PTPRT: variants seen among roughly 807,000 people sequenced by gnomAD.
PTPRT encodes protein tyrosine phosphatase receptor type T.
A neutral mutation model predicts 176.8 loss-of-function variants in PTPRT; 56 were observed. The ratio of observed to expected loss-of-function variants is 0.32; its 90% CI spans 0.26 to 0.40. The LOEUF is 0.40. Ranked by LOEUF, PTPRT falls within the 10% of genes least tolerant of loss-of-function variation. The probability of loss-of-function intolerance (pLI) is 1.00; values close to 1 mark genes in which losing one functional copy is unlikely to be tolerated. For missense variants in PTPRT, 1,540 were observed against 1,908.2 expected (o/e 0.81, Z 3.60); for synonymous variants, 783 against 739.0 (o/e 1.06, Z -0.96).
chr20:42,606,760 A>T (rs2073884335), intron 7 of PTPRT: 2 of 151,986 alleles, frequency 1.3e-5, no homozygotes. Context: ...TACCCCCGAC[A>T]TTTTTTTCTG....
At chr20:42,114,436 C>A (rs1260698251) in intron 22 of PTPRT, among the ~76,000 whole-genome samples, 1 of 152,160 alleles carries the variant, frequency 6.6e-6, no homozygotes, top group East Asian at 1.9e-4. Flanking sequence ...GATAGAATAG[C>A]AATTATTATG....
intron 8 of PTPRT, among the ~76,000 whole-genome samples, chr20:42,448,897 G>GT (rs2070778366): frequency 6.6e-6 from 1 of 151,864 alleles, no homozygotes. Flanking sequence ...TCATAACGTT[G>GT]TAAGAAAGTT....
chr20:42,794,074 T>C (rs1050315899), intron 2 of PTPRT, among the ~76,000 whole-genome samples: 1 of 152,220 alleles, frequency 6.6e-6, no homozygotes, highest in Non-Finnish European at 1.5e-5. Flanking sequence ...ATGATCCCAC[T>C]TCTTTCCATC....
At chr20:42,169,121 G>T (rs912586422) in intron 16 of PTPRT, among the ~76,000 whole-genome samples, 3 of 152,168 alleles carry the variant, frequency 2.0e-5, no homozygotes, top group Non-Finnish European at 4.4e-5. Context: ...TGAGCTCAGA[G>T]AATCAAAGAC....
intron 1 of PTPRT, among the ~76,000 whole-genome samples, chr20:43,171,420 T>C (rs1212618184): frequency 6.6e-6 from 1 of 151,974 alleles, no homozygotes; most frequent in Non-Finnish European, 1.5e-5. Context: ...CAAATTCCAG[T>C]AGAAAAAAGT....
chr20:42,726,515 C>A (rs2076383790), intron 6 of PTPRT, among the ~76,000 whole-genome samples: 1 of 152,226 alleles, frequency 6.6e-6, no homozygotes, highest in South Asian at 2.1e-4. Flanking sequence ...TGCCTACGGG[C>A]AGCCACAAAC....
intron 2 of PTPRT, among the ~76,000 whole-genome samples, chr20:42,835,234 G>T (rs571693114): frequency 6.6e-6 from 1 of 152,290 alleles, no homozygotes; most frequent in African/African-American, 2.4e-5. Flanking sequence ...CAGACACAAG[G>T]AGATGAGATT....
chr20:43,170,683 T>C (rs1244332892), intron 1 of PTPRT, among the ~76,000 whole-genome samples: 1 of 152,160 alleles, frequency 6.6e-6, no homozygotes, highest in African/African-American at 2.4e-5. Flanking sequence ...GCCAGACTGG[T>C]AGAATTATTC....
intron 7 of PTPRT, among the ~76,000 whole-genome samples, chr20:42,481,872 C>T (rs898133374): frequency 2.0e-5 from 3 of 151,998 alleles, no homozygotes. Flanking sequence ...ATGTGGTGTA[C>T]TTAGAGTTTT....
rs79021269 is a variant in PTPRT at position 42,170,391 on chromosome 20, C to T, written c.2492-8849G>A. On this transcript the variant is annotated intron_variant, in intron 16 of 30. Transcript: ENST00000373187. ...CTTGAAGTTTATTGAAAACGAAATG[C>T]GAGAAAAGATAGAAGAATAAAGGAA... Among the ~76,000 whole-genome samples, 1,322 of 151,948 alleles carry T rather than the reference C, an allele frequency of 8.7e-3. 21 individuals carry two copies. The highest frequency in any genetic ancestry group is 0.03 in the African/African-American group (1,226 of 41,404).
intron 7 of PTPRT, among the ~76,000 whole-genome samples, chr20:42,503,686 TATTA>T (rs1195226274): frequency 2.0e-5 from 3 of 152,134 alleles, no homozygotes; most frequent in Non-Finnish European, 4.4e-5. Flanking sequence ...GGATTGTTCT[TATTA>T]ATTGTGTCAT....
At chr20:43,153,903 C>T (rs1404994581) in intron 1 of PTPRT, among the ~76,000 whole-genome samples, 1 of 152,166 alleles carries the variant, frequency 6.6e-6, no homozygotes, top group African/African-American at 2.4e-5. Context: ...ATGAAGCCAG[C>T]CTCTCAGAAT....
intron 1 of PTPRT, among the ~76,000 whole-genome samples, chr20:42,927,166 A>T (rs943302039): frequency 6.6e-5 from 10 of 152,210 alleles, no homozygotes; most frequent in African/African-American, 2.2e-4. Context: ...CCTCAGGAGT[A>T]AGGCAGGTGT....
At chr20:42,199,073 A>T (rs6072653) in intron 16 of PTPRT, among the ~76,000 whole-genome samples, 167 bp downstream of exon 16, 23,951 of 152,100 alleles carry the variant, frequency 0.16, 2,223 homozygotes, top group Non-Finnish European at 0.2. Flanking sequence ...TCTTAGGATG[A>T]ACTGCCCCAA....
At chr20:42,836,827 G>A (rs1448517138) in intron 2 of PTPRT, among the ~76,000 whole-genome samples, 1 of 152,168 alleles carries the variant, frequency 6.6e-6, no homozygotes, top group African/African-American at 2.4e-5. Context: ...CTATGTAACG[G>A]CACTGTGCTA....
chr20:43,024,231 G>T (rs1361293968), intron 1 of PTPRT, among the ~76,000 whole-genome samples: 1 of 152,180 alleles, frequency 6.6e-6, no homozygotes, highest in Non-Finnish European at 1.5e-5. Flanking sequence ...GGGTTGTTGT[G>T]AGGAGTAAAT....
chr20:42,395,438 C>T (rs1408474993), intron 9 of PTPRT, among the ~76,000 whole-genome samples: 1 of 152,170 alleles, frequency 6.6e-6, no homozygotes, highest in Non-Finnish European at 1.5e-5. Flanking sequence ...CAGTGTCCAT[C>T]CTCTTTGGGG....
chr20:42,812,619 C>T (rs774756496), intron 2 of PTPRT, among the ~76,000 whole-genome samples: 19 of 152,046 alleles, frequency 1.2e-4, no homozygotes, highest in East Asian at 1.9e-4. Flanking sequence ...GTTATTTATT[C>T]GCTTCAGGAT....
At chr20:43,117,229 C>T (rs1028467922) in intron 1 of PTPRT, among the ~76,000 whole-genome samples, 1 of 152,124 alleles carries the variant, frequency 6.6e-6, no homozygotes. Flanking sequence ...TGCATCTCTA[C>T]TGGGAATAGG....
Sources: allele counts gnomAD v4.1 joint callset (sites outside exome capture counted in the v4.1 genomes callset), GRCh38; gene constraint gnomAD v4.1.1; transcripts MANE v1.5; gene names NCBI Gene and HGNC (gene_info 2026-07-23, HGNC 2026-07-21).